Variants in NRG3 observed in about 807,000 individuals in gnomAD.
The protein encoded by NRG3 is pro-neuregulin-3, membrane-bound isoform.
Under a neutral mutation model 66.9 loss-of-function variants are expected in NRG3, and 31 were observed. The observed-to-expected ratio is 0.46, with a 90% CI of 0.35 to 0.63. The LOEUF (loss-of-function observed/expected upper bound fraction) is 0.63, where lower values mean the gene tolerates loss of function less well. Among genes scored for constraint, NRG3 ranks in the 20% least tolerant of loss-of-function variants. NRG3 has a pLI of 0.00. For synonymous variants in NRG3, 393 were observed against 359.4 expected (o/e 1.09, Z -1.06); for missense variants, 910 against 878.9 (o/e 1.04, Z -0.45).
At chr10:82,659,923 C>T (rs1216026075) in intron 2 of NRG3, among the ~76,000 whole-genome samples, 1 of 151,806 alleles carries the variant, frequency 6.6e-6, no homozygotes, top group African/African-American at 2.4e-5. Context: ...CGGCCGGGTG[C>T]AATGGCTCAT....
At chr10:82,927,100 A>G (rs561179174) in intron 4 of NRG3, among the ~76,000 whole-genome samples, 1 of 152,230 alleles carries the variant, frequency 6.6e-6, no homozygotes, top group Admixed American at 6.5e-5. Flanking sequence ...GGGACCCCCA[A>G]CACGGACTGC....
At chr10:82,750,764 T>C (rs142847592) in intron 3 of NRG3, among the ~76,000 whole-genome samples, 19 of 152,292 alleles carry the variant, frequency 1.2e-4, no homozygotes, top group African/African-American at 4.6e-4. Context: ...AAAGGGCCTT[T>C]TGATATGGGC....
intron 1 of NRG3, among the ~76,000 whole-genome samples, chr10:81,982,422 A>C (rs1422383992): frequency 6.6e-6 from 1 of 152,152 alleles, no homozygotes; most frequent in Non-Finnish European, 1.5e-5. Context: ...CACAGCCTCT[A>C]CTCATTACTT....
intron 2 of NRG3, among the ~76,000 whole-genome samples, chr10:82,505,989 T>C (rs1844632693): frequency 6.6e-6 from 1 of 152,242 alleles, no homozygotes; most frequent in Non-Finnish European, 1.5e-5. Context: ...GGCTCACGCC[T>C]GTAATCCCAG....
intron 1 of NRG3, among the ~76,000 whole-genome samples, chr10:82,016,257 T>C (rs973097267): frequency 6.6e-6 from 1 of 152,098 alleles, no homozygotes; most frequent in Non-Finnish European, 1.5e-5. Context: ...AATGTGCTTT[T>C]ACTGTATGGT....
At chr10:82,245,819 C>A (rs1401232712) in intron 1 of NRG3, among the ~76,000 whole-genome samples, 1 of 152,056 alleles carries the variant, frequency 6.6e-6, no homozygotes, top group Non-Finnish European at 1.5e-5. Flanking sequence ...TATTGGAAAT[C>A]ATTAATAAAA....
In NRG3 at chr10:82,587,942, A is replaced by G. The variant is rs111979510; in HGVS notation, c.954-150635A>G. ...AGTAGTTTTTTTGTGTTGTTTTACA[A>G]GATTGAATTGCTACATAATTTTACA... On this transcript the variant is annotated intron_variant, in intron 2 of 8. Transcript: ENST00000372141. 3.5e-3 allele frequency among the ~76,000 whole-genome samples: 532 copies of G among 152,346 alleles called. 1 individual carries two copies. The highest frequency in any genetic ancestry group is 0.012 in the African/African-American group (507 of 41,580).
At chr10:81,991,214 C>T (rs1030684480) in intron 1 of NRG3, among the ~76,000 whole-genome samples, 2 of 152,118 alleles carry the variant, frequency 1.3e-5, no homozygotes, top group African/African-American at 4.8e-5. Context: ...TTCCAAGAAT[C>T]ATATTTTGCT....
intron 4 of NRG3, among the ~76,000 whole-genome samples, chr10:82,873,626 A>G (rs116394078): frequency 0.016 from 2,428 of 152,232 alleles, 75 homozygotes; most frequent in African/African-American, 0.056. Context: ...CTTTTGAGCT[A>G]TTTGTTAAGT....
Position 82,883,082 on chromosome 10 carries a change from C to T in NRG3, c.1054+17645C>T, listed in dbSNP as rs377621181. On this transcript the variant is annotated intron_variant, in intron 4 of 8. Coordinates refer to ENST00000372141, the MANE Select transcript of NRG3 (RefSeq NM_001010848.4). ...TACTTTTATAAGTTTATGATGCTCT[C>T]AATGTGTAGAAGACATCGTTTCAAA... 5.9e-5 allele frequency among the ~76,000 whole-genome samples: 9 copies of T among 152,294 alleles called. 1 individual carries two copies. The highest frequency in any genetic ancestry group is 2.2e-4 in the African/African-American group (9 of 41,578).
At chr10:82,775,884 A>G (rs1239292144) in intron 3 of NRG3, among the ~76,000 whole-genome samples, 1 of 152,006 alleles carries the variant, frequency 6.6e-6, no homozygotes, top group Non-Finnish European at 1.5e-5. Flanking sequence ...TCTTTTTATC[A>G]TATATTTCTT....
intron 2 of NRG3, among the ~76,000 whole-genome samples, chr10:82,487,585 T>C (rs1457321463): frequency 6.6e-6 from 1 of 152,236 alleles, no homozygotes; most frequent in Admixed American, 6.5e-5. Flanking sequence ...TTTACTTTCA[T>C]GTGAATCTCT....
intron 2 of NRG3, among the ~76,000 whole-genome samples, chr10:82,543,965 A>C (rs542960856): frequency 6.6e-6 from 1 of 152,210 alleles, no homozygotes; most frequent in Admixed American, 6.5e-5. Flanking sequence ...GGGAGTCCAT[A>C]AATTTCAGTG....
chr10:82,656,308 C>CT (rs3040205), intron 2 of NRG3, among the ~76,000 whole-genome samples: 74,849 of 131,910 alleles, frequency 0.57, 21,378 homozygotes, highest in Non-Finnish European at 0.64. Flanking sequence ...TTTCTTTTTT[C>CT]TTTTTTTTTT....
intron 3 of NRG3, chr10:82,859,231 T>G (rs7068175): frequency 0.33 from 50,654 of 152,060 alleles, 8,836 homozygotes; most frequent in African/African-American, 0.45. Flanking sequence ...ACAGGTATGA[T>G]CCACCGCACC....
chr10:82,927,491 C>T (rs923796323), intron 4 of NRG3, among the ~76,000 whole-genome samples: 2 of 152,082 alleles, frequency 1.3e-5, no homozygotes, highest in Non-Finnish European at 1.5e-5. Flanking sequence ...CTATCCCTCC[C>T]CTGGCCCCCA....
intron 2 of NRG3, among the ~76,000 whole-genome samples, chr10:82,571,066 T>G (rs1290193117): frequency 6.6e-6 from 1 of 151,632 alleles, no homozygotes; most frequent in Non-Finnish European, 1.5e-5. Context: ...ATTATAAATG[T>G]TTCCATACAT....
chr10:82,777,915 G>C (rs528624069), intron 3 of NRG3, among the ~76,000 whole-genome samples: 1 of 152,332 alleles, frequency 6.6e-6, no homozygotes, highest in South Asian at 2.1e-4. Context: ...ATTGCCCATG[G>C]AGGTGAGATG....
intron 2 of NRG3, among the ~76,000 whole-genome samples, chr10:82,578,292 A>G (rs959483777): frequency 4.1e-5 from 6 of 146,252 alleles, no homozygotes; most frequent in Non-Finnish European, 9.2e-5. Context: ...AGGCTAAAAT[A>G]TCAATGAAAC....
Sources: allele counts gnomAD v4.1 joint callset (sites outside exome capture counted in the v4.1 genomes callset), GRCh38; gene constraint gnomAD v4.1.1; transcripts MANE v1.5; gene names NCBI Gene and HGNC (gene_info 2026-07-23, HGNC 2026-07-21).